SCFD2: variants seen among roughly 807,000 people sequenced by gnomAD.
SCFD2 encodes sec1 family domain containing 2, also known as sec1 family domain-containing protein 2.
In SCFD2, 54 loss-of-function variants were observed where a neutral mutation model predicts 58.9. That is an observed-to-expected ratio of 0.92 (90% confidence interval 0.74 to 1.15). The LOEUF is 1.15. Among genes scored for constraint, SCFD2 ranks in the 50% most tolerant of loss-of-function variants. The pLI is 0.00. For missense variants in SCFD2, 805 were observed against 836.6 expected, an observed-to-expected ratio of 0.96 and a Z score of 0.47; for synonymous variants, 321 against 335.9, an observed-to-expected ratio of 0.96 and a Z score of 0.49.
chr4:53,294,757 G>T (rs1731963697), intron 3 of SCFD2, among the ~76,000 whole-genome samples: 1 of 152,034 alleles, frequency 6.6e-6, no homozygotes, highest in African/African-American at 2.4e-5. Flanking sequence ...TTCTTCTATG[G>T]TTTTTATGGT....
intron 5 of SCFD2, among the ~76,000 whole-genome samples, chr4:52,943,692 C>T (rs1206539137): frequency 1.3e-5 from 2 of 152,090 alleles, no homozygotes; most frequent in African/African-American, 4.8e-5. Flanking sequence ...TTAAAGACCC[C>T]ACCCCTTAAT....
intron 5 of SCFD2, among the ~76,000 whole-genome samples, chr4:52,984,424 G>A (rs1721444681): frequency 6.6e-6 from 1 of 152,152 alleles, no homozygotes; most frequent in African/African-American, 2.4e-5. Context: ...CTGCTATGAG[G>A]ATCCAACCCA....
intron 5 of SCFD2, among the ~76,000 whole-genome samples, chr4:52,931,080 G>C (rs550988120): frequency 1.3e-5 from 2 of 152,256 alleles, no homozygotes; most frequent in African/African-American, 4.8e-5. Context: ...CAGCACACAG[G>C]CTCCTACTAG....
chr4:53,202,043 C>G (rs4555710), intron 4 of SCFD2, among the ~76,000 whole-genome samples: 13,650 of 151,996 alleles, frequency 0.09, 1,032 homozygotes, highest in South Asian at 0.21. Flanking sequence ...GATCCCATTT[C>G]TCAATTTTGG....
chr4:53,179,794 G>C (rs758888354), intron 4 of SCFD2, among the ~76,000 whole-genome samples: 2 of 152,182 alleles, frequency 1.3e-5, no homozygotes, highest in Admixed American at 6.5e-5. Context: ...CAAAATAAAG[G>C]AGTGGAGGAA....
In SCFD2 at chr4:53,298,867, G is replaced by A. The variant is rs142385002; in HGVS notation, c.1135+14769C>T. 8.8e-3 allele frequency among the ~76,000 whole-genome samples: 1,341 copies of A among 152,290 alleles called. 8 individuals are homozygous for A. The highest frequency in any genetic ancestry group is 0.018 in the East Asian group (92 of 5,184). On this transcript the variant is annotated intron_variant, in intron 3 of 8. Coordinates refer to ENST00000401642, the MANE Select transcript of SCFD2 (RefSeq NM_152540.4). ...AGTGGACCTCCAGTAAACTCCCACA[G>A]ACCTGCAGCTGAGGGTCCTGACTGT...
At chr4:52,890,753 C>A (rs993683441) in intron 7 of SCFD2, among the ~76,000 whole-genome samples, 5 of 152,144 alleles carry the variant, frequency 3.3e-5, no homozygotes, top group Admixed American at 3.3e-4. Context: ...ACTATTCCAT[C>A]CCAACCTTTG....
At chr4:53,114,494 GTACTCAA>G (rs1325968595) in intron 5 of SCFD2, among the ~76,000 whole-genome samples, 4 of 152,072 alleles carry the variant, frequency 2.6e-5, no homozygotes, top group Non-Finnish European at 4.4e-5. Context: ...CTCCCAGCCT[GTACTCAA>G]TCCAGCCCAA....
chr4:53,224,161 C>T (rs1394925254), intron 4 of SCFD2, among the ~76,000 whole-genome samples: 1 of 152,036 alleles, frequency 6.6e-6, no homozygotes, highest in Non-Finnish European at 1.5e-5. Context: ...GAGGCCGAGG[C>T]GGGTGGATCA....
chr4:53,269,959 G>C (rs958677343), intron 4 of SCFD2, among the ~76,000 whole-genome samples: 3 of 152,194 alleles, frequency 2.0e-5, no homozygotes, highest in Non-Finnish European at 2.9e-5. Flanking sequence ...TCAGGAGGTG[G>C]AGGTTGCAGT....
chr4:53,344,571 A>C (rs924248004), intron 2 of SCFD2, among the ~76,000 whole-genome samples: 7 of 152,288 alleles, frequency 4.6e-5, no homozygotes, highest in Admixed American at 2.0e-4. Context: ...GCTACCAATG[A>C]CTTTCTTCAC....
chr4:52,953,700 G>A (rs1179170167), intron 5 of SCFD2, among the ~76,000 whole-genome samples: 1 of 152,150 alleles, frequency 6.6e-6, no homozygotes, highest in East Asian at 1.9e-4. Flanking sequence ...AAAATCCCAG[G>A]AGAATTAATC....
At chr4:52,903,787 A>T (rs756517986) in intron 7 of SCFD2, among the ~76,000 whole-genome samples, 26 of 152,222 alleles carry the variant, frequency 1.7e-4, no homozygotes, top group Non-Finnish European at 3.7e-4. Flanking sequence ...TTTTCATTTA[A>T]AAACATGCTG....
chr4:52,902,679 T>A (rs1197829716), intron 7 of SCFD2, among the ~76,000 whole-genome samples: 1 of 152,194 alleles, frequency 6.6e-6, no homozygotes, highest in East Asian at 1.9e-4. Context: ...CTGTTCTGAG[T>A]GCTTTATATG....
intron 4 of SCFD2, among the ~76,000 whole-genome samples, chr4:53,221,394 A>G (rs1729043150): frequency 6.6e-6 from 1 of 152,234 alleles, no homozygotes; most frequent in South Asian, 2.1e-4. Context: ...AAATTAGTCC[A>G]TGTGTTTTTA....
intron 4 of SCFD2, among the ~76,000 whole-genome samples, chr4:53,207,515 T>TA (rs1482958463): frequency 5.7e-4 from 7 of 12,244 alleles, no homozygotes; most frequent in Admixed American, 1.8e-3. Context: ...ATTATATATA[T>TA]TATATATATA....
intron 3 of SCFD2, among the ~76,000 whole-genome samples, chr4:53,300,410 A>G (rs1577947253): frequency 6.6e-6 from 1 of 152,218 alleles, no homozygotes; most frequent in South Asian, 2.1e-4. Flanking sequence ...TCTCCTAAAT[A>G]TATATGCACC....
intron 4 of SCFD2, among the ~76,000 whole-genome samples, chr4:53,247,889 A>T (rs202089934): frequency 6.6e-6 from 1 of 151,034 alleles, no homozygotes; most frequent in African/African-American, 2.4e-5. Context: ...AAAAAAAAAA[A>T]AAAATAACAA....
At chr4:53,084,993 C>A (rs1434028161) in intron 5 of SCFD2, among the ~76,000 whole-genome samples, 1 of 152,204 alleles carries the variant, frequency 6.6e-6, no homozygotes, top group Non-Finnish European at 1.5e-5. Flanking sequence ...AGGATATCCA[C>A]TTTCACCACT....
Sources: allele counts gnomAD v4.1 joint callset (sites outside exome capture counted in the v4.1 genomes callset), GRCh38; gene constraint gnomAD v4.1.1; transcripts MANE v1.5; gene names NCBI Gene and HGNC (gene_info 2026-07-23, HGNC 2026-07-21).